The following FOXP2 variants were observed in gnomAD, a reference collection of about 807,000 sequenced individuals.
The protein encoded by FOXP2 is forkhead box P2, also known as forkhead box protein P2.
In FOXP2, 12 loss-of-function variants were observed where a neutral mutation model predicts 115.8. The observed-to-expected ratio is 0.10, with a 90% CI of 0.07 to 0.17. FOXP2 has a LOEUF of 0.17. FOXP2 is among the 10% of genes least tolerant of loss of function. The probability of loss-of-function intolerance (pLI) is 1.00; values close to 1 mark genes in which losing one functional copy is unlikely to be tolerated. For synonymous variants in FOXP2, 328 were observed against 297.7 expected (o/e 1.10, Z -1.05); for missense variants, 629 against 843.5 (o/e 0.75, Z 3.15).
At position 114,500,215 on chromosome 7, in the gene FOXP2, C is replaced by CAA. The variant is rs760392447; in HGVS notation, c.169-34383_169-34382dup. On this transcript the variant is annotated intron_variant, in intron 2 of 16. Coordinates refer to ENST00000350908, the MANE Select transcript of FOXP2 (RefSeq NM_014491.4). ...TGGGCGACAGAGCAAGACTCCATCTCAAAAAAAAAAAAAAAAAAAAGAATG... is the reference window on the plus strand; with the variant it reads ...TGGGCGACAGAGCAAGACTCCATCTCAAAAAAAAAAAAAAAAAAAAAAGAATG... Among the ~76,000 whole-genome samples the CAA allele has an allele frequency of 7.9e-3, 400 of 50,908 alleles. 5 individuals carry two copies. Among genetic ancestry groups the CAA allele is most frequent in the African/African-American group, 0.022 (347 of 15,854 alleles). The allele number at this position is 50,908 out of a possible 152,430, so 33.4% of individuals were successfully genotyped here.
intron 2 of FOXP2, among the ~76,000 whole-genome samples, chr7:114,461,506 G>C (rs528264775): frequency 4.0e-5 from 6 of 151,738 alleles, no homozygotes; most frequent in African/African-American, 1.5e-4. Context: ...CAAGACTACT[G>C]TTCACCTGTA....
chr7:114,285,421 G>A (rs924692740), intron 1 of FOXP2: 4 of 151,994 alleles, frequency 2.6e-5, no homozygotes, highest in African/African-American at 9.7e-5. Flanking sequence ...CAGGAGTTTT[G>A]AGTAAAGAAA....
At chr7:114,498,525 G>A (rs1383049457) in intron 2 of FOXP2, among the ~76,000 whole-genome samples, 1 of 152,094 alleles carries the variant, frequency 6.6e-6, no homozygotes, top group Non-Finnish European at 1.5e-5. Flanking sequence ...ACTTTAAAGA[G>A]CCATATAAGG....
intron 3 of FOXP2, among the ~76,000 whole-genome samples, chr7:114,577,854 A>G (rs11982301): frequency 0.19 from 29,589 of 151,868 alleles, 3,725 homozygotes; most frequent in African/African-American, 0.36. Context: ...AAGAAACGTC[A>G]TCATAAGAGA....
At chr7:114,664,738 T>G (rs1807074119) in intron 16 of FOXP2, 1 of 395,542 alleles carries the variant, frequency 2.5e-6, no homozygotes, top group South Asian at 2.4e-5. Context: ...TGGGTCATTA[T>G]CACAGGTTGG....
chr7:114,461,963 T>G (rs1461210224), intron 2 of FOXP2, among the ~76,000 whole-genome samples: 1 of 152,154 alleles, frequency 6.6e-6, no homozygotes, highest in East Asian at 1.9e-4. Context: ...TGGTTTCTAT[T>G]TGTGCATGTC....
At chr7:114,315,841 A>G (rs1013514636) in intron 2 of FOXP2, among the ~76,000 whole-genome samples, 1 of 152,154 alleles carries the variant, frequency 6.6e-6, no homozygotes, top group African/African-American at 2.4e-5. Flanking sequence ...TTTTAAAAAC[A>G]CTGTATTTAG....
chr7:114,106,833 G>A (rs1791130872), intron 1 of FOXP2, among the ~76,000 whole-genome samples: 2 of 151,858 alleles, frequency 1.3e-5, no homozygotes, highest in Admixed American at 1.3e-4. Flanking sequence ...GATTGTCTCA[G>A]TTTTATAGAA....
chr7:114,181,751 TA>T (rs1793462930), intron 1 of FOXP2, among the ~76,000 whole-genome samples: 1 of 152,072 alleles, frequency 6.6e-6, no homozygotes, highest in Non-Finnish European at 1.5e-5. Context: ...AATAAAAAGA[TA>T]AAACACTAAA....
intron 16 of FOXP2, among the ~76,000 whole-genome samples, chr7:114,673,216 A>G (rs1321459125): frequency 2.0e-5 from 3 of 152,340 alleles, no homozygotes; most frequent in African/African-American, 4.8e-5. Context: ...GATTAGAACT[A>G]TAAGGGTCCT....
At chr7:114,568,463 T>C (rs554496162) in intron 3 of FOXP2, among the ~76,000 whole-genome samples, 207 of 151,854 alleles carry the variant, frequency 1.4e-3, no homozygotes, top group African/African-American at 4.8e-3. Context: ...TTGTTTTTGT[T>C]TGTTTGTTTT....
chr7:114,101,562 A>C (rs1439820753), intron 1 of FOXP2, among the ~76,000 whole-genome samples: 3 of 152,032 alleles, frequency 2.0e-5, no homozygotes, highest in Admixed American at 2.0e-4. Flanking sequence ...TTTTTAGAAA[A>C]TTTTTAAGTG....
At chr7:114,483,275 AG>A (rs1796634502) in intron 2 of FOXP2, among the ~76,000 whole-genome samples, 1 of 151,428 alleles carries the variant, frequency 6.6e-6, no homozygotes, top group Non-Finnish European at 1.5e-5. Context: ...TTATTTCCTT[AG>A]ATCTGGATTA....
chr7:114,291,022 C>T (rs1158141928), intron 2 of FOXP2, among the ~76,000 whole-genome samples: 2 of 152,104 alleles, frequency 1.3e-5, no homozygotes, highest in Non-Finnish European at 2.9e-5. Flanking sequence ...TAATTTATGT[C>T]TAATCATGGG....
At chr7:114,677,174 A>AC (rs1270350512) in intron 16 of FOXP2, among the ~76,000 whole-genome samples, 6 of 127,088 alleles carry the variant, frequency 4.7e-5, no homozygotes, top group Non-Finnish European at 9.2e-5. Flanking sequence ...TCAAAAAACA[A>AC]AAAAAAAAAA....
chr7:114,305,143 A>G (rs770157422), intron 2 of FOXP2, among the ~76,000 whole-genome samples: 80 of 152,272 alleles, frequency 5.3e-4, no homozygotes, highest in South Asian at 1.2e-3. Flanking sequence ...ACCAAAAGGT[A>G]TGATCATTAT....
chr7:114,362,207 G>GT (rs1791766793), intron 2 of FOXP2, among the ~76,000 whole-genome samples: 1 of 151,934 alleles, frequency 6.6e-6, no homozygotes, highest in Admixed American at 6.6e-5. Flanking sequence ...GACAGCAAAC[G>GT]TAAGACTGAT....
chr7:114,495,697 G>T (rs1342738875), intron 2 of FOXP2, among the ~76,000 whole-genome samples: 1 of 151,488 alleles, frequency 6.6e-6, no homozygotes, highest in Admixed American at 6.6e-5. Context: ...AGTAGAGACA[G>T]GTTTTCGCCA....
chr7:114,444,068 A>C (rs1794725130), intron 2 of FOXP2, among the ~76,000 whole-genome samples: 1 of 152,178 alleles, frequency 6.6e-6, no homozygotes, highest in Non-Finnish European at 1.5e-5. Flanking sequence ...TTAAATCCTA[A>C]GCTAGAATGT....
Sources: gnomAD v4.1 joint callset for allele counts (sites outside exome capture counted in the v4.1 genomes callset) on GRCh38, gnomAD v4.1.1 for gene constraint, MANE v1.5 for transcripts, NCBI Gene and HGNC (gene_info 2026-07-23, HGNC 2026-07-21) for gene names.